Variants in ZDHHC21 observed in about 807,000 individuals in gnomAD.
The protein encoded by ZDHHC21 is zDHHC palmitoyltransferase 21, also known as palmitoyltransferase ZDHHC21.
ZDHHC21 carries 15 observed loss-of-function variants against 34.6 expected under a neutral mutation model. That is an observed-to-expected ratio of 0.43 (90% CI 0.29 to 0.67). The LOEUF is 0.67. Among genes scored for constraint, ZDHHC21 ranks in the 30% least tolerant of loss-of-function variants. ZDHHC21 has a pLI of 0.14. For synonymous variants in ZDHHC21, 142 were observed against 101.8 expected (o/e 1.40, Z -2.38); for missense variants, 344 against 327.7 (o/e 1.05, Z -0.38).
intron 7 of ZDHHC21, among the ~76,000 whole-genome samples, chr9:14,642,907 C>G (rs1199954044): frequency 6.6e-6 from 1 of 151,972 alleles, no homozygotes; most frequent in Non-Finnish European, 1.5e-5. Context: ...TGCTCATATA[C>G]AGATAAATTC....
chr9:14,683,926 T>C (rs2131635308), intron 2 of ZDHHC21, among the ~76,000 whole-genome samples: 1 of 152,256 alleles, frequency 6.6e-6, no homozygotes, highest in East Asian at 1.9e-4. Flanking sequence ...TAATCCAGCA[T>C]ATAAACAGAA....
chr9:14,639,422 T>C (rs1476049170), intron 8 of ZDHHC21, among the ~76,000 whole-genome samples: 1 of 151,884 alleles, frequency 6.6e-6, no homozygotes, highest in Admixed American at 6.6e-5. Flanking sequence ...ACAGAAGAAA[T>C]AAGTTATAAT....
rs201295751 is a variant in ZDHHC21, at chr9:14,664,033, G to A, written c.254-1707C>T. 1.1e-3 allele frequency among the ~76,000 whole-genome samples: 167 copies of A among 152,226 alleles called. 1 individual carries two copies. Among genetic ancestry groups the A allele is most frequent in the African/African-American group, 3.6e-3 (148 of 41,548 alleles). Reference sequence around the variant, plus strand: ...AAGATGGCCGAATAGGAACAGCTCCGGTCTACAGCTCCCAGCGTGAGCGAC... The same window carrying A: ...AAGATGGCCGAATAGGAACAGCTCCAGTCTACAGCTCCCAGCGTGAGCGAC... On this transcript the variant is annotated intron_variant, in intron 5 of 9. Coordinates refer to ENST00000380916, the MANE Select transcript of ZDHHC21 (RefSeq NM_178566.6).
the ZDHHC21 span, among the ~76,000 whole-genome samples, chr9:14,602,917 A>T: frequency 1.6e-5 from 2 of 122,252 alleles, no homozygotes; most frequent in Admixed American, 9.4e-5. Context: ...ACAGAGAGAG[A>T]GACTTCATCT....
intron 7 of ZDHHC21, among the ~76,000 whole-genome samples, chr9:14,644,987 AG>A (rs1195541727): frequency 6.6e-6 from 1 of 152,144 alleles, no homozygotes; most frequent in East Asian, 1.9e-4. Flanking sequence ...TATTCTCGAC[AG>A]GGCAAGTTTT....
intron 2 of ZDHHC21, among the ~76,000 whole-genome samples, chr9:14,689,166 A>G (rs1435936740): frequency 2.0e-5 from 3 of 152,242 alleles, no homozygotes; most frequent in African/African-American, 7.2e-5. Context: ...GTATCATACT[A>G]GCTGAAGTTG....
At chr9:14,665,641 GCGGATCTCT>G (rs1348705110) in intron 5 of ZDHHC21, among the ~76,000 whole-genome samples, 1 of 141,724 alleles carries the variant, frequency 7.1e-6, no homozygotes, top group African/African-American at 2.6e-5. Context: ...CAGACTAACA[GCGGATCTCT>G]CGGCAGAAAC....
intron 3 of ZDHHC21, among the ~76,000 whole-genome samples, chr9:14,678,572 G>A (rs574560631): frequency 6.6e-6 from 1 of 152,158 alleles, no homozygotes; most frequent in South Asian, 2.1e-4. Context: ...TACATTATTG[G>A]TGGGCATGTA....
intron 8 of ZDHHC21, among the ~76,000 whole-genome samples, chr9:14,636,436 G>C (rs1828315768): frequency 6.6e-6 from 1 of 152,150 alleles, no homozygotes; most frequent in Non-Finnish European, 1.5e-5. Flanking sequence ...TAAAGGGAAA[G>C]ATAGACTCTA....
At chr9:14,598,632 G>GA in the ZDHHC21 span, among the ~76,000 whole-genome samples, 8 of 151,770 alleles carry the variant, frequency 5.3e-5, no homozygotes, top group Non-Finnish European at 7.4e-5. Flanking sequence ...GAAATGCCTG[G>GA]AAAAAATGCA....
intron 8 of ZDHHC21, among the ~76,000 whole-genome samples, chr9:14,624,649 G>A (rs547310008): frequency 1.3e-5 from 2 of 152,144 alleles, no homozygotes; most frequent in East Asian, 3.9e-4. Context: ...GGGGAGGGTA[G>A]AAAGAAGTGA....
In ZDHHC21 at chr9:14,673,408, T is replaced by G. The variant is rs576913905; in HGVS notation, c.155-480A>C. Among the ~76,000 whole-genome samples the G allele has an allele frequency of 2.0e-4, 31 of 152,064 alleles. No individual in the cohort carries two copies. The South Asian group carries it at 4.4e-3, about 21-fold the overall frequency. ...AATGATTAGTTTGATAATTAAGACT[T>G]AGAAACTTTTTAATTTTAAAATTAA... On this transcript the variant is annotated intron_variant, in intron 4 of 9. Coordinates refer to ENST00000380916, the MANE Select transcript of ZDHHC21 (RefSeq NM_178566.6).
chr9:14,633,084 C>CACGTTTT (rs1827636579), intron 8 of ZDHHC21, among the ~76,000 whole-genome samples: 1 of 152,156 alleles, frequency 6.6e-6, no homozygotes, highest in Admixed American at 6.5e-5. Context: ...TGAAAATGTA[C>CACGTTTT]GTCCACACAA....
At chr9:14,602,928 CAAAAAAAAAAAAAAAAAAA>C in the ZDHHC21 span, among the ~76,000 whole-genome samples, 3 of 88,060 alleles carry the variant, frequency 3.4e-5, no homozygotes, top group Non-Finnish European at 6.2e-5. Context: ...GACTTCATCT[CAAAAAAAAAAAAAAAAAAA>C]AAAAAAAAGG....
At chr9:14,660,455 C>T (rs1833178401) in intron 6 of ZDHHC21, among the ~76,000 whole-genome samples, 3 of 149,504 alleles carry the variant, frequency 2.0e-5, no homozygotes, top group African/African-American at 2.5e-5. Flanking sequence ...ACCTCCAAAC[C>T]TAAAAATGTC....
chr9:14,622,475 G>A, intron 8 of ZDHHC21: 1 of 968,122 alleles, frequency 1.0e-6, no homozygotes, highest in Non-Finnish European at 1.2e-6. Context: ...TTAGGAAAAT[G>A]AGAGGTTGCA....
chr9:14,679,850 T>C (rs574772806), intron 3 of ZDHHC21, among the ~76,000 whole-genome samples, 183 bp downstream of exon 3: 54 of 152,252 alleles, frequency 3.5e-4, no homozygotes, highest in Middle Eastern at 6.8e-3. Flanking sequence ...TATTTTTCTC[T>C]ATAGAAAAAG....
Position 14,612,870 on chromosome 9 carries a change from A to ACT in ZDHHC21, c.*6095_*6096insAG, listed in dbSNP as rs1262037558. ...CACACACACACACACACACACACACACACACACACACGCTGAACTCGATTT... is the reference window on the plus strand; with the variant it reads ...CACACACACACACACACACACACACACTCACACACACACGCTGAACTCGATTT... On this transcript the variant is annotated 3_prime_UTR_variant, in exon 10 of 10. Transcript: ENST00000380916. The ACT allele has an allele frequency of 1.1e-5, 1 of 88,304 alleles. No homozygotes were observed. Among genetic ancestry groups the ACT allele is most frequent in the Non-Finnish European group, 2.0e-5 (1 of 48,812 alleles). The allele number at this position is 88,304 out of a possible 1,614,324, so 5.5% of individuals were successfully genotyped here. A position where few individuals can be genotyped will look rare whatever the true frequency, so the allele number is the denominator to read the frequency against.
chr9:14,678,423 C>G (rs962620839), intron 3 of ZDHHC21, among the ~76,000 whole-genome samples: 7 of 151,844 alleles, frequency 4.6e-5, no homozygotes, highest in African/African-American at 1.4e-4. Context: ...AGAAGCAATT[C>G]ACAAAGGGAA....
Sources: allele counts gnomAD v4.1 joint callset (sites outside exome capture counted in the v4.1 genomes callset), GRCh38; gene constraint gnomAD v4.1.1; transcripts MANE v1.5; gene names NCBI Gene and HGNC (gene_info 2026-07-23, HGNC 2026-07-21).